Variants in TF observed in about 807,000 individuals in gnomAD.
TF encodes transferrin.
TF carries 55 observed loss-of-function variants against 82.4 expected under a neutral mutation model. The ratio of observed to expected loss-of-function variants is 0.67; its 90% CI spans 0.54 to 0.84. The LOEUF is 0.84. Ranked by LOEUF, TF falls within the 40% of genes least tolerant of loss-of-function variation. TF has a pLI of 0.00. For missense variants in TF, 737 were observed against 868.4 expected, an observed-to-expected ratio of 0.85 and a Z score of 1.90; for synonymous variants, 332 against 332.6, an observed-to-expected ratio of 1.00 and a Z score of 0.02.
the TF span, among the ~76,000 whole-genome samples, chr3:133,670,112 CATGGACT>C: frequency 6.6e-6 from 1 of 152,180 alleles, no homozygotes; most frequent in African/African-American, 2.4e-5. Flanking sequence ...TGAGAAACAG[CATGGACT>C]ATGGAAGCAG....
At chr3:133,714,466 CAG>C in the TF span, among the ~76,000 whole-genome samples, 2 of 151,666 alleles carry the variant, frequency 1.3e-5, no homozygotes, top group African/African-American at 2.4e-5. Flanking sequence ...CATATTTTCA[CAG>C]ATCTACAACA....
At position 133,753,586 on chromosome 3, in the gene TF, C is replaced by T. The variant is rs375936361; in HGVS notation, c.217-9C>T. ...AGGCTTCATCCAGGACTGGCCTGTT[C>T]TCTTTCAGGCAAACGAAGCGGATGC... is the stretch of plus-strand genomic sequence containing the variant. On this transcript the variant is annotated splice_polypyrimidine_tract_variant and intron_variant, in intron 2 of 16. Transcript: ENST00000402696. 51 of 1,612,666 alleles carry T rather than the reference C, an allele frequency of 3.2e-5. No homozygotes were observed. The African/African-American group carries it at 6.7e-4, about 21-fold the overall frequency.
chr3:133,715,686 T>A, the TF span, among the ~76,000 whole-genome samples: 1 of 152,196 alleles, frequency 6.6e-6, no homozygotes, highest in Admixed American at 6.5e-5. Context: ...GGACCCAGTT[T>A]AAGAATCTGT....
chr3:133,706,722 C>T, the TF span, among the ~76,000 whole-genome samples: 10 of 152,172 alleles, frequency 6.6e-5, no homozygotes, highest in Non-Finnish European at 1.2e-4. Context: ...GGATTTAGAG[C>T]ATCACAGCAC....
the TF span, among the ~76,000 whole-genome samples, chr3:133,680,404 A>G: frequency 6.6e-6 from 1 of 151,562 alleles, no homozygotes; most frequent in Non-Finnish European, 1.5e-5. Flanking sequence ...AAGTCTCACT[A>G]TGTTGCCCAG....
chr3:133,716,133 C>A, the TF span, among the ~76,000 whole-genome samples: 1 of 152,098 alleles, frequency 6.6e-6, no homozygotes, highest in Non-Finnish European at 1.5e-5. Flanking sequence ...TACATGCTGG[C>A]ATGACTCAGG....
At chr3:133,773,675 A>G (rs1342850568) in intron 14 of TF, 1 of 152,176 alleles carries the variant, frequency 6.6e-6, no homozygotes, top group African/African-American at 2.4e-5. Flanking sequence ...TTTTTATTGA[A>G]AAAGCATATT....
At chr3:133,713,011 G>A in the TF span, among the ~76,000 whole-genome samples, 1 of 152,052 alleles carries the variant, frequency 6.6e-6, no homozygotes, top group Non-Finnish European at 1.5e-5. Context: ...GATGATTTAG[G>A]GCACCTTAGG....
the TF span, among the ~76,000 whole-genome samples, chr3:133,674,850 C>CT: frequency 2.0e-5 from 3 of 152,148 alleles, no homozygotes; most frequent in Non-Finnish European, 4.4e-5. Flanking sequence ...ACCCCATTGA[C>CT]TAGGGAGAGG....
chr3:133,726,332 A>C, the TF span, among the ~76,000 whole-genome samples: 100 of 149,954 alleles, frequency 6.7e-4, no homozygotes, highest in South Asian at 8.5e-4. Context: ...CCACAATTTC[A>C]GAGCCTGTTA....
At chr3:133,756,560 G>T (rs1933839617) in intron 6 of TF, among the ~76,000 whole-genome samples, 1 of 152,150 alleles carries the variant, frequency 6.6e-6, no homozygotes, top group Admixed American at 6.5e-5. Flanking sequence ...CTCTGCCTCT[G>T]GGGTAGTGTT....
At position 133,796,425 on chromosome 3, in the gene TF, T is replaced by C. The variant is rs1934973258; in HGVS notation, c.*17805T>C. 1 of 152,298 alleles carries C rather than the reference T, an allele frequency of 6.6e-6. No homozygotes were observed. Among genetic ancestry groups the C allele is most frequent in the Non-Finnish European group, 1.5e-5 (1 of 68,126 alleles). 9.4% of individuals were successfully genotyped at this position (152,298 alleles called of 1,614,324 possible). A position where few individuals can be genotyped will look rare whatever the true frequency, so the allele number is the denominator to read the frequency against. On this transcript the variant is annotated 3_prime_UTR_variant, in exon 17 of 17. Coordinates refer to ENST00000402696, the MANE Select transcript of TF (RefSeq NM_001063.4). ...GAATATAAGGCAGATGCATGCTCAC[T>C]TCCTAGAACTAAATCAAATGGAAAC... is the stretch of plus-strand genomic sequence containing the variant.
rs1576373203 is a variant in TF, at chr3:133,786,804, T to C, written c.*8184T>C. ...ATGTGTTCACTTTATTCAAGACTTC[T>C]GTGCATATAGTGGACGAATTAACTT... On this transcript the variant is annotated 3_prime_UTR_variant, in exon 17 of 17. Coordinates refer to ENST00000402696, the MANE Select transcript of TF (RefSeq NM_001063.4). 1 of 152,258 alleles carries C rather than the reference T, an allele frequency of 6.6e-6. No individual in the cohort carries two copies. The highest frequency in any genetic ancestry group is 1.9e-4 in the East Asian group (1 of 5,200). 9.4% of individuals were successfully genotyped at this position (152,258 alleles called of 1,614,324 possible).
At chr3:133,772,256 T>C (rs1934278009) in intron 14 of TF, among the ~76,000 whole-genome samples, 1 of 152,352 alleles carries the variant, frequency 6.6e-6, no homozygotes, top group Non-Finnish European at 1.5e-5. Context: ...CCTCGTATTA[T>C]TGCTTTTTCC....
At position 133,755,414 on chromosome 3, in the gene TF, A is replaced by G; in HGVS notation, c.554A>G (p.Asp185Gly). ...GSCAPCADGT[D>G]FPQLCQLCPG... ...TGTGCCCCTTGTGCGGATGGGACGG[A>G]CTTCCCCCAGCTGTGTCAACTGTGT... Residue 185 changes from aspartate (D) to glycine (G), a missense_variant, in exon 5 of 17, where the codon GAC (aspartate) becomes GGC (glycine). Physicochemically the swap from Asp to Gly is moderately conservative, Grantham distance 94 (BLOSUM62 -1). Coordinates refer to ENST00000402696, the MANE Select transcript of TF (RefSeq NM_001063.4). The G allele has an allele frequency of 6.2e-7, 1 of 1,614,118 alleles. No individual in the cohort carries two copies. Among genetic ancestry groups the G allele is most frequent in the South Asian group, 1.1e-5 (1 of 91,068 alleles).
Position 133,792,344 on chromosome 3 carries a change from A to C in TF, c.*13724A>C, listed in dbSNP as rs992584868. The C allele has an allele frequency of 2.6e-5, 4 of 152,274 alleles. No individual in the cohort carries two copies. Among genetic ancestry groups the C allele is most frequent in the Admixed American group, 1.3e-4 (2 of 15,290 alleles). 9.4% of individuals were successfully genotyped at this position (152,274 alleles called of 1,614,324 possible). On this transcript the variant is annotated 3_prime_UTR_variant, in exon 17 of 17. Coordinates refer to ENST00000402696, the MANE Select transcript of TF (RefSeq NM_001063.4). ...GTAGATGGTCTGTGTAAGTCATGAA[A>C]TAATTTACAAAAGAGAATTTATGCA... is the stretch of plus-strand genomic sequence containing the variant.
chr3:133,761,313 T>G, intron 9 of TF: 1 of 170,882 alleles, frequency 5.9e-6, no homozygotes, highest in East Asian at 1.6e-4. Context: ...GTTTTTCTCA[T>G]GGATGCCTGC....
Position 133,778,573 on chromosome 3 carries a change from C to T in TF, c.2063-13C>T, listed in dbSNP as rs763488255. The T allele has an allele frequency of 3.7e-6, 6 of 1,612,674 alleles. No individual in the cohort carries two copies. The highest frequency in any genetic ancestry group is 1.1e-5 in the South Asian group (1 of 91,054). On this transcript the variant is annotated splice_polypyrimidine_tract_variant and intron_variant, in intron 16 of 16. Coordinates refer to ENST00000402696, the MANE Select transcript of TF (RefSeq NM_001063.4). The stretch of plus-strand genomic sequence containing the variant: ...AGATTTTGAAAATCCTACCTCTCTG[C>T]TCTGCTCCACAGCACTCCTGGAAGC...
intron 12 of TF, among the ~76,000 whole-genome samples, chr3:133,766,929 C>T (rs957012518): frequency 6.6e-6 from 1 of 152,174 alleles, no homozygotes; most frequent in Non-Finnish European, 1.5e-5. Context: ...CAGCAAACTT[C>T]TCATTGCCCA....
Sources: allele counts gnomAD v4.1 joint callset (sites outside exome capture counted in the v4.1 genomes callset), GRCh38; gene constraint gnomAD v4.1.1; transcripts MANE v1.5; gene names NCBI Gene and HGNC (gene_info 2026-07-23, HGNC 2026-07-21).